Variants in MTUS2 observed in about 807,000 individuals in gnomAD.
MTUS2 encodes microtubule-associated tumor suppressor candidate 2.
Under a neutral mutation model 114.1 loss-of-function variants are expected in MTUS2, and 40 were observed. That is an observed-to-expected ratio of 0.35 (90% CI 0.27 to 0.46). The LOEUF is 0.46. MTUS2 is among the 20% of genes least tolerant of loss of function. MTUS2 has a pLI of 1.00. For missense variants in MTUS2, 1,679 were observed against 1,705.4 expected (o/e 0.98, Z 0.27); for synonymous variants, 688 against 672.0 (o/e 1.02, Z -0.37).
intron 7 of MTUS2, among the ~76,000 whole-genome samples, chr13:29,343,014 T>G (rs1371452721): frequency 6.6e-6 from 1 of 152,178 alleles, no homozygotes; most frequent in Non-Finnish European, 1.5e-5. Context: ...GAAACCCACT[T>G]GATCATGGTG....
intron 6 of MTUS2, among the ~76,000 whole-genome samples, chr13:29,286,445 C>T (rs1273810986): frequency 6.6e-6 from 1 of 152,122 alleles, no homozygotes; most frequent in African/African-American, 2.4e-5. Flanking sequence ...CTCAGCTAGT[C>T]TCTCTAGTGT....
chr13:28,872,808 T>TG (rs1260615788), intron 2 of MTUS2, among the ~76,000 whole-genome samples: 1 of 152,286 alleles, frequency 6.6e-6, no homozygotes, highest in East Asian at 1.9e-4. Context: ...ACATGAGGTT[T>TG]GAAGGGGACA....
intron 6 of MTUS2, among the ~76,000 whole-genome samples, chr13:29,299,616 G>T (rs1271698988): frequency 6.6e-6 from 1 of 152,180 alleles, no homozygotes; most frequent in East Asian, 1.9e-4. Flanking sequence ...CAGAAAACAT[G>T]CTGGCAGAGA....
chr13:28,889,174 T>C (rs1222054187), intron 2 of MTUS2, among the ~76,000 whole-genome samples: 1 of 152,132 alleles, frequency 6.6e-6, no homozygotes, highest in Non-Finnish European at 1.5e-5. Context: ...CCTGGAGGTG[T>C]AGCTCTTCAC....
At chr13:29,228,572 A>T (rs1177791960) in intron 5 of MTUS2, among the ~76,000 whole-genome samples, 1 of 152,122 alleles carries the variant, frequency 6.6e-6, no homozygotes, top group East Asian at 1.9e-4. Flanking sequence ...CTCCTGCCTC[A>T]GCCTCCCAAA....
intron 9 of MTUS2, among the ~76,000 whole-genome samples, chr13:29,447,698 A>C (rs3923361): frequency 4.7e-5 from 7 of 148,948 alleles, no homozygotes; most frequent in African/African-American, 1.7e-4. Context: ...TGTGGGGTTT[A>C]CGGGAATTGG....
At chr13:29,351,610 G>T (rs5802504) in intron 7 of MTUS2, among the ~76,000 whole-genome samples, 120,915 of 150,318 alleles carry the variant, frequency 0.8, 49,631 homozygotes, top group East Asian at 0.9. Context: ...AAGTTTTTTT[G>T]TTTGTTTTTT....
chr13:29,116,245 G>T (rs2052181847), intron 5 of MTUS2, among the ~76,000 whole-genome samples: 1 of 152,194 alleles, frequency 6.6e-6, no homozygotes, highest in Admixed American at 6.5e-5. Flanking sequence ...CCATAAGATA[G>T]AATTAGATGT....
At chr13:29,202,990 G>A (rs912538423) in intron 5 of MTUS2, among the ~76,000 whole-genome samples, 1 of 152,188 alleles carries the variant, frequency 6.6e-6, no homozygotes, top group Non-Finnish European at 1.5e-5. Context: ...CGGGGGTCAG[G>A]GACCCCCTGA....
Position 29,502,945 on chromosome 13 carries a change from A to G in MTUS2, c.3897-48A>G, listed in dbSNP as rs201060036. The stretch of plus-strand genomic sequence containing the variant: ...GCACCATTGTCCTGACCTCAGGTTC[A>G]GTGTCCACTAGCATGATTGCTACTT... On this transcript the variant is annotated intron_variant, in intron 15 of 15. Coordinates refer to ENST00000612955, the MANE Select transcript of MTUS2 (RefSeq NM_001033602.4). The G allele has an allele frequency of 4.4e-6, 7 of 1,584,398 alleles. No individual in the cohort carries two copies. The African/African-American group carries it at 5.4e-5, about 12-fold the overall frequency.
intron 5 of MTUS2, among the ~76,000 whole-genome samples, chr13:29,136,271 G>A (rs144517829): frequency 4.6e-5 from 7 of 152,172 alleles, no homozygotes; most frequent in East Asian, 3.9e-4. Flanking sequence ...GGACAGTTTC[G>A]CCAGATATAG....
At chr13:28,999,648 T>C (rs1046952810) in intron 2 of MTUS2, among the ~76,000 whole-genome samples, 3 of 152,198 alleles carry the variant, frequency 2.0e-5, no homozygotes, top group African/African-American at 7.2e-5. Context: ...TTCTCTCTTC[T>C]AGCTATTTTG....
intron 6 of MTUS2, among the ~76,000 whole-genome samples, chr13:29,291,269 G>C (rs1898702183): frequency 6.6e-6 from 1 of 152,096 alleles, no homozygotes; most frequent in Admixed American, 6.5e-5. Flanking sequence ...CCTCCTCCAG[G>C]GCCCACAGTG....
At chr13:29,424,214 A>G (rs540494269) in intron 8 of MTUS2, among the ~76,000 whole-genome samples, 8 of 152,296 alleles carry the variant, frequency 5.3e-5, no homozygotes, top group South Asian at 4.1e-4. Context: ...GATAAGATTT[A>G]GAATGTTCCC....
intron 5 of MTUS2, among the ~76,000 whole-genome samples, chr13:29,275,883 A>T (rs1370589919): frequency 6.6e-6 from 1 of 152,202 alleles, no homozygotes; most frequent in African/African-American, 2.4e-5. Context: ...TTGGGTATGT[A>T]CTTAGGAGTG....
rs561042278 is a variant in MTUS2 at position 29,432,137 on chromosome 13, G to A, written c.3118-7846G>A. 2.9e-4 allele frequency among the ~76,000 whole-genome samples: 44 copies of A among 151,516 alleles called. No homozygotes were observed. The East Asian group carries it at 8.2e-3, about 28-fold the overall frequency. The stretch of plus-strand genomic sequence containing the variant: ...CAAAATGTTGGGATAATAGGTGTGA[G>A]CCACCATGCCTGGCCAAAGACCCAG... On this transcript the variant is annotated intron_variant, in intron 8 of 15. Transcript: ENST00000612955.
intron 2 of MTUS2, among the ~76,000 whole-genome samples, chr13:29,017,244 T>G (rs1886104121): frequency 6.6e-6 from 1 of 152,202 alleles, no homozygotes; most frequent in Non-Finnish European, 1.5e-5. Flanking sequence ...TACCCTTGAA[T>G]TTTGGGTTCA....
intron 2 of MTUS2, among the ~76,000 whole-genome samples, chr13:29,006,415 C>A (rs1181839473): frequency 6.6e-6 from 1 of 152,134 alleles, no homozygotes; most frequent in Admixed American, 6.5e-5. Context: ...TATTTAGTAA[C>A]CCCCCTATGG....
chr13:29,486,889 G>T (rs1473449458), intron 10 of MTUS2, among the ~76,000 whole-genome samples: 2 of 152,148 alleles, frequency 1.3e-5, no homozygotes, highest in African/African-American at 2.4e-5. Flanking sequence ...CAATCATAGG[G>T]AGAGGTCGTT....
Sources: allele counts gnomAD v4.1 joint callset (sites outside exome capture counted in the v4.1 genomes callset), GRCh38; gene constraint gnomAD v4.1.1; transcripts MANE v1.5; gene names NCBI Gene and HGNC (gene_info 2026-07-23, HGNC 2026-07-21).